Variants in CHSY3 observed in about 807,000 individuals in gnomAD.
CHSY3 encodes the protein chondroitin sulfate synthase 3.
In CHSY3, 35 loss-of-function variants were observed where a neutral mutation model predicts 67.2. That is an observed-to-expected ratio of 0.52 (90% CI 0.40 to 0.69). The LOEUF (loss-of-function observed/expected upper bound fraction) is 0.69. Ranked by LOEUF, CHSY3 falls within the 30% of genes least tolerant of loss-of-function variation. CHSY3 has a pLI of 0.00. For missense variants in CHSY3, 1,069 were observed against 1,138.5 expected (o/e 0.94, Z 0.88); for synonymous variants, 474 against 434.7 (o/e 1.09, Z -1.12).
chr5:129,905,440 A>C lies in CHSY3; in HGVS notation c.611A>C (p.Glu204Ala). The C allele has an allele frequency of 1.2e-6, 2 of 1,611,818 alleles. No homozygotes were observed. Among genetic ancestry groups the C allele is most frequent in the Non-Finnish European group, 1.7e-6 (2 of 1,179,870 alleles). The change falls in exon 1 of 3, where the codon GAG (glutamate) becomes GCG (alanine). Residue 204 changes from glutamate to alanine, a missense_variant. By Grantham distance (107) the Glu-to-Ala change is moderately radical (BLOSUM62 -1). This residue lies in a region of CHSY3 where 216 missense variants were observed against 311.5 expected (regional missense o/e 0.69). Coordinates refer to ENST00000305031, the MANE Select transcript of CHSY3 (RefSeq NM_175856.5). ...GCGCGTTTCATCCCGGGCCGCGTGG[A>C]GTTCTTTTCCAGCCAGCAGCCCCCC... Reference protein sequence around the residue: ...TWARFIPGRVEFFSSQQPPNA... With the variant: ...TWARFIPGRVAFFSSQQPPNA...
chr5:129,931,804 C>G (rs938521094), intron 2 of CHSY3, among the ~76,000 whole-genome samples: 1 of 151,862 alleles, frequency 6.6e-6, no homozygotes, highest in Non-Finnish European at 1.5e-5. Context: ...TGGATTTTGT[C>G]TTTTCTGCAT....
chr5:130,121,807 C>A (rs1045348469), intron 2 of CHSY3, among the ~76,000 whole-genome samples: 1 of 152,056 alleles, frequency 6.6e-6, no homozygotes. Context: ...AATTGCTTAT[C>A]TTTTTTTCAG....
At chr5:129,912,071 C>T (rs1760578331) in intron 2 of CHSY3, among the ~76,000 whole-genome samples, 1 of 151,858 alleles carries the variant, frequency 6.6e-6, no homozygotes, top group African/African-American at 2.4e-5. Context: ...AAACAAACAA[C>T]AACAACAAAA....
At chr5:130,172,905 A>G (rs1477049705) in intron 2 of CHSY3, among the ~76,000 whole-genome samples, 1 of 152,186 alleles carries the variant, frequency 6.6e-6, no homozygotes, top group Non-Finnish European at 1.5e-5. Context: ...CTCAAGTTTC[A>G]TCCATATTGT....
At chr5:130,114,007 G>A (rs767222136) in intron 2 of CHSY3, among the ~76,000 whole-genome samples, 15 of 152,080 alleles carry the variant, frequency 9.9e-5, no homozygotes, top group Non-Finnish European at 1.8e-4. Context: ...AAATCATTTT[G>A]AGACTCAATT....
chr5:130,108,196 A>T (rs1332414787), intron 2 of CHSY3, among the ~76,000 whole-genome samples: 1 of 151,570 alleles, frequency 6.6e-6, no homozygotes, highest in Non-Finnish European at 1.5e-5. Context: ...ATGATGCAAA[A>T]CTTTTTACAT....
In CHSY3 at chr5:130,100,923, A is replaced by G. The variant is rs551869567; in HGVS notation, c.1087-83306A>G. On this transcript the variant is annotated intron_variant, in intron 2 of 2. Coordinates refer to ENST00000305031, the MANE Select transcript of CHSY3 (RefSeq NM_175856.5). ...AACTGTGCAAGAAATGAAAAAGCTC[A>G]CCTCAACTTTGCCTTGAAATATAAA... Among the ~76,000 whole-genome samples the G allele has an allele frequency of 1.1e-3, 175 of 152,334 alleles. 1 individual carries two copies. The highest frequency in any genetic ancestry group is 3.5e-3 in the African/African-American group (144 of 41,598).
At chr5:130,021,268 TTGTGCC>T (rs1253617334) in intron 2 of CHSY3, among the ~76,000 whole-genome samples, 6 of 152,196 alleles carry the variant, frequency 3.9e-5, no homozygotes, top group Non-Finnish European at 7.4e-5. Context: ...AAACATTTGC[TTGTGCC>T]TACACTTTTT....
rs1764265107 is a variant in CHSY3 at position 130,018,104 on chromosome 5, T to G, written c.1086+109744T>G. On this transcript the variant is annotated intron_variant, in intron 2 of 2. Coordinates refer to ENST00000305031, the MANE Select transcript of CHSY3 (RefSeq NM_175856.5). ...TGTTTTTTAACAGACAAATTGCTCC[T>G]TACTCAACTATTTTGTTTTTCTCTT... Among the ~76,000 whole-genome samples the G allele has an allele frequency of 3.9e-5, 6 of 152,210 alleles. No homozygotes were observed. The South Asian group carries it at 1.0e-3, about 26-fold the overall frequency.
intron 2 of CHSY3, among the ~76,000 whole-genome samples, chr5:129,917,191 G>A (rs2453781): frequency 0.94 from 142,761 of 152,238 alleles, 67,061 homozygotes; most frequent in East Asian, 1. Context: ...CAAGTTATTT[G>A]ACCTCTCTGT....
chr5:129,929,288 C>T (rs572918591), intron 2 of CHSY3, among the ~76,000 whole-genome samples: 2 of 152,298 alleles, frequency 1.3e-5, no homozygotes, highest in South Asian at 4.1e-4. Flanking sequence ...TACATTTCTT[C>T]TAGTCCTTAG....
At chr5:130,077,747 CTG>C (rs374950953) in intron 2 of CHSY3, among the ~76,000 whole-genome samples, 164 of 151,438 alleles carry the variant, frequency 1.1e-3, no homozygotes, top group African/African-American at 3.3e-3. Flanking sequence ...CTTTAAATTA[CTG>C]TGTCTAACTT....
chr5:130,009,044 G>T lies in CHSY3; in HGVS notation c.1086+100684G>T, dbSNP rs533572262. Reference sequence around the variant, plus strand: ...AGAAAGCAATGTGAAAAACATTTGAGGTTATTATCCACAAAATTTTCACAA... The same window carrying T: ...AGAAAGCAATGTGAAAAACATTTGATGTTATTATCCACAAAATTTTCACAA... On this transcript the variant is annotated intron_variant, in intron 2 of 2. Transcript: ENST00000305031. Among the ~76,000 whole-genome samples the T allele has an allele frequency of 3.3e-5, 5 of 152,240 alleles. No individual in the cohort carries two copies. In the East Asian group the frequency reaches 9.7e-4, roughly 29 times the overall value.
At chr5:130,161,793 C>T (rs1769551487) in intron 2 of CHSY3, among the ~76,000 whole-genome samples, 2 of 152,050 alleles carry the variant, frequency 1.3e-5, no homozygotes, top group African/African-American at 4.8e-5. Context: ...AATCCTAGCA[C>T]TCTGGGAGGC....
intron 2 of CHSY3, among the ~76,000 whole-genome samples, chr5:130,022,028 G>T (rs1009854602): frequency 3.3e-5 from 5 of 152,056 alleles, no homozygotes; most frequent in African/African-American, 1.2e-4. Context: ...TAGGTCATTT[G>T]CTGGGAAGGT....
chr5:130,175,780 T>G (rs1169203570), intron 2 of CHSY3, among the ~76,000 whole-genome samples: 1 of 152,156 alleles, frequency 6.6e-6, no homozygotes, highest in African/African-American at 2.4e-5. Flanking sequence ...TTGTAAATGG[T>G]GTTGGGAAAA....
intron 2 of CHSY3, among the ~76,000 whole-genome samples, chr5:129,924,106 A>C (rs986038458): frequency 6.6e-6 from 1 of 152,172 alleles, no homozygotes; most frequent in African/African-American, 2.4e-5. Flanking sequence ...AGTGATTTGA[A>C]CTAAATCACT....
chr5:129,991,675 T>C (rs1042615243), intron 2 of CHSY3, among the ~76,000 whole-genome samples: 1 of 152,042 alleles, frequency 6.6e-6, no homozygotes, highest in Non-Finnish European at 1.5e-5. Context: ...CAAGCAGCCA[T>C]GGGTAGTGCC....
chr5:130,093,374 A>G (rs1766942254), intron 2 of CHSY3, among the ~76,000 whole-genome samples: 1 of 152,202 alleles, frequency 6.6e-6, no homozygotes, highest in South Asian at 2.1e-4. Flanking sequence ...ATATAACCAC[A>G]TTGAAGTTTT....
Sources: allele counts gnomAD v4.1 joint callset (sites outside exome capture counted in the v4.1 genomes callset), GRCh38; gene constraint gnomAD v4.1.1; regional missense constraint gnomAD v4.1.1; transcripts MANE v1.5; gene names NCBI Gene and HGNC (gene_info 2026-07-23, HGNC 2026-07-21).